FRMPD4: variants seen among roughly 807,000 people sequenced by gnomAD.
The protein encoded by FRMPD4 is FERM and PDZ domain containing 4, also known as FERM and PDZ domain-containing protein 4.
FRMPD4 carries 22 observed loss-of-function variants against 94.1 expected under a neutral mutation model. That is an observed-to-expected ratio of 0.23 (90% CI 0.17 to 0.33). The LOEUF is 0.33. Among genes scored for constraint, FRMPD4 ranks in the 10% least tolerant of loss-of-function variants. The pLI is 1.00. For synonymous variants in FRMPD4, 631 were observed against 548.6 expected, an observed-to-expected ratio of 1.15 and a Z score of -2.10; for missense variants, 1,111 against 1,339.9, an observed-to-expected ratio of 0.83 and a Z score of 2.67.
At chrX:12,220,976 A>G (rs1161290778) in intron 1 of FRMPD4, among the ~76,000 whole-genome samples, 2 of 111,753 alleles carry the variant, frequency 1.8e-5, no homozygotes, top group Non-Finnish European at 3.8e-5. Context: ...TGAGCAACAT[A>G]TCAATTTCAT....
chrX:12,492,461 G>T (rs1487581157), intron 1 of FRMPD4, among the ~76,000 whole-genome samples: 1 of 112,062 alleles, frequency 8.9e-6, no homozygotes, highest in Admixed American at 9.5e-5. Flanking sequence ...TTTCAATTTG[G>T]TTGTTAAAAT....
intron 3 of FRMPD4, among the ~76,000 whole-genome samples, chrX:12,122,624 G>T (rs2055465269): frequency 9.3e-6 from 1 of 107,776 alleles, no homozygotes; most frequent in Non-Finnish European, 1.9e-5. Flanking sequence ...ACACTTTGAA[G>T]AGTTTTCTGT....
chrX:12,037,693 A>G (rs1311198368), intron 3 of FRMPD4, among the ~76,000 whole-genome samples: 1 of 111,160 alleles, frequency 9.0e-6, no homozygotes, highest in African/African-American at 3.3e-5. Flanking sequence ...TACTAGGCCT[A>G]GTACCTAATA....
At chrX:12,439,313 T>A (rs1014903317) in intron 1 of FRMPD4, among the ~76,000 whole-genome samples, 2 of 111,699 alleles carry the variant, frequency 1.8e-5, no homozygotes, top group Admixed American at 1.9e-4. Context: ...CCTTTCTCTG[T>A]GACCTAGGGG....
intron 1 of FRMPD4, among the ~76,000 whole-genome samples, chrX:12,412,977 T>TA (rs201136609): frequency 0.021 from 2,132 of 102,587 alleles, 58 homozygotes; most frequent in African/African-American, 0.067. Context: ...ATAGTCATAG[T>TA]AAAAAAAAAA....
chrX:12,711,426 A>G (rs1396355994), intron 14 of FRMPD4, among the ~76,000 whole-genome samples: 1 of 112,080 alleles, frequency 8.9e-6, no homozygotes, highest in Non-Finnish European at 1.9e-5. Flanking sequence ...AAAGACATCA[A>G]ATAATTCAGT....
chrX:12,163,622 C>T (rs938220271), intron 1 of FRMPD4, among the ~76,000 whole-genome samples: 4 of 111,946 alleles, frequency 3.6e-5, no homozygotes, highest in East Asian at 2.8e-4. Flanking sequence ...CACTTGCCAA[C>T]GTGCTATTCC....
At chrX:12,546,963 A>C (rs1158729733) in intron 2 of FRMPD4, among the ~76,000 whole-genome samples, 1 of 90,579 alleles carries the variant, frequency 1.1e-5, no homozygotes, top group Non-Finnish European at 2.1e-5. Context: ...GTGAGCTATG[A>C]CTGTGCCACT....
At chrX:12,245,198 C>A (rs1367932899) in intron 1 of FRMPD4, among the ~76,000 whole-genome samples, 1 of 111,980 alleles carries the variant, frequency 8.9e-6, no homozygotes, top group Non-Finnish European at 1.9e-5. Context: ...CATAAAGGCA[C>A]TCTGTATGCA....
At chrX:12,266,919 T>A (rs2054285504) in intron 1 of FRMPD4, among the ~76,000 whole-genome samples, 1 of 112,114 alleles carries the variant, frequency 8.9e-6, no homozygotes, top group Non-Finnish European at 1.9e-5. Flanking sequence ...ATATCATAAA[T>A]AGAAAGTATA....
intron 2 of FRMPD4, among the ~76,000 whole-genome samples, chrX:12,588,884 AAATAG>A (rs2058957263): frequency 8.9e-6 from 1 of 112,653 alleles, no homozygotes; most frequent in Non-Finnish European, 1.9e-5. Context: ...CCAGTGAAAT[AAATAG>A]AAAACCAAAC....
intron 3 of FRMPD4, among the ~76,000 whole-genome samples, chrX:11,968,368 G>A (rs904096598): frequency 3.6e-5 from 4 of 111,720 alleles, no homozygotes; most frequent in Non-Finnish European, 7.5e-5. Context: ...CAGTAGGGAT[G>A]GTACCATGTT....
chrX:11,966,852 AC>A (rs1200135110), intron 3 of FRMPD4, among the ~76,000 whole-genome samples: 1 of 111,825 alleles, frequency 8.9e-6, no homozygotes, highest in African/African-American at 3.2e-5. Flanking sequence ...TAAGAGACTG[AC>A]TTATATGAAT....
chrX:12,070,218 G>C (rs926735372), intron 3 of FRMPD4, among the ~76,000 whole-genome samples: 3 of 110,854 alleles, frequency 2.7e-5, no homozygotes, highest in Non-Finnish European at 5.7e-5. Context: ...CAGGTGGAAA[G>C]CTGGATCTTG....
chrX:12,472,329 T>G (rs931990939), intron 1 of FRMPD4, among the ~76,000 whole-genome samples: 4 of 112,116 alleles, frequency 3.6e-5, no homozygotes, highest in African/African-American at 1.3e-4. Context: ...GCTAAATATG[T>G]GCAATTCAAA....
At chrX:12,461,123 G>T (rs2057386512) in intron 1 of FRMPD4, among the ~76,000 whole-genome samples, 1 of 111,747 alleles carries the variant, frequency 8.9e-6, no homozygotes, top group African/African-American at 3.2e-5. Flanking sequence ...TTTAAATTTT[G>T]CTGACTCAAG....
In FRMPD4 at chrX:12,593,756, A is replaced by G. The variant is rs760385468; in HGVS notation, c.159-15965A>G. On this transcript the variant is annotated intron_variant, in intron 2 of 16. Coordinates refer to ENST00000675598, the MANE Select transcript of FRMPD4 (RefSeq NM_001368397.1). ...CGGTCTCATGTTTCTTTTTTTTTCC[A>G]GTGAAGTGCTGCAGTACACAATCTA... Among the ~76,000 whole-genome samples the G allele has an allele frequency of 4.5e-5, 5 of 110,532 alleles. No individual in the cohort carries two copies. In the East Asian group the frequency reaches 8.4e-4, roughly 19 times the overall value.
intron 1 of FRMPD4, among the ~76,000 whole-genome samples, chrX:12,367,078 C>T (rs780957331): frequency 8.9e-6 from 1 of 111,923 alleles, no homozygotes; most frequent in Admixed American, 9.4e-5. Flanking sequence ...TTTCCTGGTC[C>T]GTGGCTTGTA....
intron 1 of FRMPD4, among the ~76,000 whole-genome samples, chrX:12,436,929 T>G (rs1025535433): frequency 2.7e-5 from 3 of 112,133 alleles, no homozygotes; most frequent in Non-Finnish European, 5.6e-5. Flanking sequence ...GAGAGAATTA[T>G]TTTGTCCTAA....
Sources: gnomAD v4.1 joint callset for allele counts (sites outside exome capture counted in the v4.1 genomes callset) on GRCh38, gnomAD v4.1.1 for gene constraint, MANE v1.5 for transcripts, NCBI Gene and HGNC (gene_info 2026-07-23, HGNC 2026-07-21) for gene names.